TRHDE: variants seen among roughly 807,000 people sequenced by gnomAD.
TRHDE encodes thyrotropin releasing hormone degrading enzyme, also known as thyrotropin-releasing hormone-degrading ectoenzyme.
TRHDE carries 72 observed loss-of-function variants against 125.7 expected under a neutral mutation model. That is an observed-to-expected ratio of 0.57 (90% CI 0.47 to 0.70). TRHDE has a LOEUF of 0.70. Ranked by LOEUF, TRHDE falls within the 30% of genes least tolerant of loss-of-function variation. The probability of loss-of-function intolerance (pLI) is 0.00; values close to 1 mark genes in which losing one functional copy is unlikely to be tolerated. For missense variants in TRHDE, 1,110 were observed against 1,327.1 expected (o/e 0.84, Z 2.54); for synonymous variants, 509 against 509.1 (o/e 1.00, Z 0.00).
intron 5 of TRHDE, among the ~76,000 whole-genome samples, chr12:72,481,130 C>T (rs1468839986): frequency 6.6e-6 from 1 of 151,936 alleles, no homozygotes; most frequent in Non-Finnish European, 1.5e-5. Flanking sequence ...TATTAATCAT[C>T]CTTAACCAGA....
At chr12:72,277,858 ATAATC>A (rs1171361844) in intron 1 of TRHDE, among the ~76,000 whole-genome samples, 2 of 152,174 alleles carry the variant, frequency 1.3e-5, no homozygotes. Flanking sequence ...TTTATCTTGT[ATAATC>A]TAATGTTTTG....
In TRHDE at chr12:72,358,514, G is replaced by A. The variant is rs185157428; in HGVS notation, c.1189-19481G>A. Among the ~76,000 whole-genome samples, 272 of 151,630 alleles carry A rather than the reference G, an allele frequency of 1.8e-3. 2 individuals are homozygous for A. Among genetic ancestry groups the A allele is most frequent in the Non-Finnish European group, 5.8e-4 (39 of 67,704 alleles). On this transcript the variant is annotated intron_variant, in intron 2 of 18. Transcript: ENST00000261180. ...CAACTGTGTTATCAGTGAGGTGGTC[G>A]ACAGTAGGCTATTAGTAGTTAAGTT...
At chr12:72,395,508 C>T (rs1200466500) in intron 3 of TRHDE, among the ~76,000 whole-genome samples, 3 of 152,090 alleles carry the variant, frequency 2.0e-5, no homozygotes, top group Non-Finnish European at 4.4e-5. Flanking sequence ...TTGTCACCCT[C>T]CTTCTCCCTA....
At chr12:72,574,804 G>T (rs912947749) in intron 10 of TRHDE, among the ~76,000 whole-genome samples, 4 of 152,024 alleles carry the variant, frequency 2.6e-5, no homozygotes, top group African/African-American at 9.7e-5. Context: ...CAAGAAAAAG[G>T]CAAACAACAG....
At chr12:72,185,061 G>A (rs535020126) in intron 2 of TRHDE, among the ~76,000 whole-genome samples, 2 of 152,160 alleles carry the variant, frequency 1.3e-5, no homozygotes, top group South Asian at 2.1e-4. Context: ...AGCGGGAACC[G>A]GGGCTGCCTG....
At chr12:72,456,724 G>A (rs909467416) in intron 3 of TRHDE, among the ~76,000 whole-genome samples, 6 of 152,044 alleles carry the variant, frequency 3.9e-5, no homozygotes, top group East Asian at 1.9e-4. Flanking sequence ...GCATTTTCCC[G>A]TTATGGGTGC....
intron 15 of TRHDE, among the ~76,000 whole-genome samples, chr12:72,637,622 C>A (rs1389957123): frequency 6.6e-6 from 1 of 151,996 alleles, no homozygotes; most frequent in Non-Finnish European, 1.5e-5. Flanking sequence ...ATCTTTCCTG[C>A]TTTCTCTTGT....
intron 7 of TRHDE, among the ~76,000 whole-genome samples, chr12:72,544,509 T>C (rs1371024434): frequency 6.6e-6 from 1 of 151,494 alleles, no homozygotes; most frequent in African/African-American, 2.4e-5. Flanking sequence ...AGATAGTGTG[T>C]TTTTCATATA....
chr12:72,612,193 A>G (rs1872657169), intron 12 of TRHDE, among the ~76,000 whole-genome samples: 1 of 152,192 alleles, frequency 6.6e-6, no homozygotes, highest in Middle Eastern at 3.2e-3. Flanking sequence ...TTCCTCAGTC[A>G]GAATTCTTCT....
At chr12:72,458,889 T>C (rs757710909) in intron 3 of TRHDE, among the ~76,000 whole-genome samples, 3 of 152,142 alleles carry the variant, frequency 2.0e-5, no homozygotes, top group Non-Finnish European at 4.4e-5. Context: ...AGAATAATGG[T>C]AATAATTATA....
upstream of TRHDE, among the ~76,000 whole-genome samples, chr12:72,267,587 A>G (rs1879096347): frequency 6.6e-6 from 1 of 152,034 alleles, no homozygotes; most frequent in African/African-American, 2.4e-5. Flanking sequence ...ATGAGGCTGC[A>G]ATGAGCTCTT....
chr12:72,251,403 T>C (rs1878680776), intron 2 of TRHDE, among the ~76,000 whole-genome samples: 1 of 140,612 alleles, frequency 7.1e-6, no homozygotes, highest in Admixed American at 7.7e-5. Context: ...ATAGAGTATA[T>C]AACCTTTTGG....
intron 2 of TRHDE, among the ~76,000 whole-genome samples, chr12:72,319,056 G>GA (rs2135708104): frequency 6.6e-6 from 1 of 152,244 alleles, no homozygotes; most frequent in East Asian, 1.9e-4. Flanking sequence ...CATGGCTTGG[G>GA]ATTGAATGAA....
chr12:72,320,661 A>G (rs1804788597), intron 2 of TRHDE, among the ~76,000 whole-genome samples: 1 of 152,034 alleles, frequency 6.6e-6, no homozygotes, highest in African/African-American at 2.4e-5. Context: ...ATCACTGCAG[A>G]GTTTTACCTT....
chr12:72,469,716 G>A (rs759110182), intron 3 of TRHDE, 42 bp from the exon 4 acceptor site: 20 of 1,588,860 alleles, frequency 1.3e-5, no homozygotes, highest in South Asian at 2.3e-5. Context: ...AGAATCTGGT[G>A]TCTTTGTTAA....
chr12:72,374,984 C>T (rs548578153), intron 2 of TRHDE, among the ~76,000 whole-genome samples: 1 of 152,190 alleles, frequency 6.6e-6, no homozygotes, highest in African/African-American at 2.4e-5. Flanking sequence ...TATCTGGAAA[C>T]CATAGCTGGA....
chr12:72,614,388 T>C (rs559950641), intron 12 of TRHDE, among the ~76,000 whole-genome samples: 21 of 149,604 alleles, frequency 1.4e-4, no homozygotes, highest in Non-Finnish European at 2.8e-4. Flanking sequence ...GAGACTTCCC[T>C]GTGTTTTTTC....
intron 2 of TRHDE, among the ~76,000 whole-genome samples, chr12:72,320,528 G>A (rs1156259866): frequency 7.0e-6 from 1 of 143,460 alleles, no homozygotes; most frequent in Non-Finnish European, 1.5e-5. Context: ...AGAACCTATG[G>A]ATACAGAGGG....
chr12:72,212,624 C>G (rs777058630), intron 2 of TRHDE, among the ~76,000 whole-genome samples: 19 of 152,192 alleles, frequency 1.2e-4, no homozygotes, highest in Non-Finnish European at 2.4e-4. Context: ...GCAAATTAAA[C>G]TACAATGAGA....
Sources: gnomAD v4.1 joint callset for allele counts (sites outside exome capture counted in the v4.1 genomes callset) on GRCh38, gnomAD v4.1.1 for gene constraint, MANE v1.5 for transcripts, NCBI Gene and HGNC (gene_info 2026-07-23, HGNC 2026-07-21) for gene names.